Variants in CRYBG2 observed in about 807,000 individuals in gnomAD.
The protein encoded by CRYBG2 is crystallin beta-gamma domain containing 2.
CRYBG2 carries 106 observed loss-of-function variants against 153.4 expected under a neutral mutation model. The observed-to-expected ratio is 0.69, with a 90% CI of 0.59 to 0.81. CRYBG2 has a LOEUF of 0.81. CRYBG2 is among the 30% of genes least tolerant of loss of function. The pLI is 0.00. For synonymous variants in CRYBG2, 851 were observed against 877.8 expected (o/e 0.97, Z 0.54); for missense variants, 1,996 against 2,112.0 (o/e 0.95, Z 1.08).
intron 1 of CRYBG2, among the ~76,000 whole-genome samples, chr1:26,349,354 A>G (rs190238106): frequency 3.9e-5 from 6 of 152,138 alleles, no homozygotes; most frequent in Admixed American, 3.9e-4. Context: ...TGAGGTTGTC[A>G]AGCAGGGATT....
rs577945638 is a variant in CRYBG2 at position 26,338,181 on chromosome 1, C to T, written c.3472-134G>A. 186 of 1,413,394 alleles carry T rather than the reference C, an allele frequency of 1.3e-4. No individual in the cohort carries two copies. In the African/African-American group the frequency reaches 2.5e-3, roughly 19 times the overall value. 87.6% of individuals were successfully genotyped at this position (1,413,394 alleles called of 1,614,324 possible). On this transcript the variant is annotated intron_variant, in intron 7 of 19. Transcript: ENST00000308182. The stretch of plus-strand genomic sequence containing the variant: ...TTTCCCCTACCTCTTAGGTTAATCC[C>T]TACCTCTCCTCCCACTCCCATTCCC...
chr1:26,330,032 G>A (rs1163427321), intron 15 of CRYBG2, among the ~76,000 whole-genome samples: 1 of 152,172 alleles, frequency 6.6e-6, no homozygotes, highest in Non-Finnish European at 1.5e-5. Context: ...AACACGCCCG[G>A]CCCAAAGTGC....
At position 26,336,639 on chromosome 1, in the gene CRYBG2, GT is replaced by G. The variant is rs775761770; in HGVS notation, c.4004del (p.Asn1335ThrfsTer176). 1.9e-6 allele frequency: 3 copies of G among 1,550,688 alleles called. No homozygotes were observed. In the African/African-American group the frequency reaches 4.1e-5, roughly 21 times the overall value. ...YRNCEDWGAG[N>X]STLASLQPVL... ...CCGGCTGCAGCGAGGCGAGGGTGCT[GT>G]TGCCAGCGCCCCAGTCCTCGCAGTT... is the stretch of plus-strand genomic sequence containing the variant. On this transcript the variant is annotated frameshift_variant, in exon 12 of 20. Coordinates refer to ENST00000308182, the MANE Select transcript of CRYBG2 (RefSeq NM_001039775.4). LOFTEE classifies it high-confidence loss of function. This position sits in a 1 kb window ranked among gnomAD's most constrained non-coding sequence, Gnocchi z 4.9.
In CRYBG2 at chr1:26,336,404, G is replaced by T. The variant is rs374809761; in HGVS notation, c.4039-34C>A. 2.3e-5 allele frequency: 37 copies of T among 1,611,112 alleles called. No homozygotes were observed. The African/African-American group carries it at 4.1e-4, about 18-fold the overall frequency. ...AGGGACCGAATCGAGAATTAGGGAG[G>T]GTGCCGGCCCCTAGCCTTGTCTTCT... On this transcript the variant is annotated intron_variant, in intron 12 of 19. Coordinates refer to ENST00000308182, the MANE Select transcript of CRYBG2 (RefSeq NM_001039775.4). The surrounding 1 kb of genome is among the most constrained non-coding windows in gnomAD (Gnocchi z 4.9).
intron 15 of CRYBG2, among the ~76,000 whole-genome samples, chr1:26,330,632 G>A (rs1163350483): frequency 6.8e-6 from 1 of 146,846 alleles, no homozygotes; most frequent in Non-Finnish European, 1.5e-5. Flanking sequence ...TCTGCCTCCT[G>A]GGTTCAAGCA....
At chr1:26,340,137 C>T (rs151205455) in intron 5 of CRYBG2, among the ~76,000 whole-genome samples, 37 of 152,306 alleles carry the variant, frequency 2.4e-4, no homozygotes, top group East Asian at 1.4e-3. Context: ...TTTGCCTGCA[C>T]GTCATCCCAG....
intron 15 of CRYBG2, among the ~76,000 whole-genome samples, chr1:26,329,764 G>C (rs1243116489): frequency 6.6e-6 from 1 of 151,720 alleles, no homozygotes; most frequent in Non-Finnish European, 1.5e-5. Context: ...TTATTTTTTT[G>C]AGATGGAGTC....
rs1288286007 is a variant in CRYBG2, at chr1:26,345,665, C to A, written c.993G>T (p.Val331=). The A allele has an allele frequency of 1.3e-6, 2 of 1,598,566 alleles. No homozygotes were observed. The highest frequency in any genetic ancestry group is 2.7e-5 in the African/African-American group (2 of 74,898). ...GCTCAGTGGAACTGGGGGCTCCCAG[C>A]ACCTGCCAGAGCTCACAGGCCCTGG... ...PDARACELWQ[V]LGAPSSTELP... Residue 331 remains valine, a synonymous_variant, in exon 2 of 20, where the codon GTG becomes GTT. Coordinates refer to ENST00000308182, the MANE Select transcript of CRYBG2 (RefSeq NM_001039775.4).
At chr1:26,330,552 T>TTC (rs2073986832) in intron 15 of CRYBG2, among the ~76,000 whole-genome samples, 1 of 150,544 alleles carries the variant, frequency 6.6e-6, no homozygotes, top group Non-Finnish European at 1.5e-5. Flanking sequence ...TTTTTTTTTT[T>TTC]TTTTGAGATG....
At position 26,338,019 on chromosome 1, in the gene CRYBG2, T is replaced by TC; in HGVS notation, c.3499dup (p.Glu1167GlyfsTer8). The TC allele has an allele frequency of 6.2e-7, 1 of 1,612,418 alleles. No homozygotes were observed. The highest frequency in any genetic ancestry group is 8.5e-7 in the Non-Finnish European group (1 of 1,179,452). Reference sequence around the variant, plus strand: ...TTAAGCCCAGACTCTTACCCTGGGCTCCCCTGGCTTCTCCACACTTGGGCA... The same window carrying TC: ...TTAAGCCCAGACTCTTACCCTGGGCTCCCCCTGGCTTCTCCACACTTGGGCA... On this transcript the variant is annotated frameshift_variant, in exon 8 of 20. Transcript: ENST00000308182. LOFTEE classifies it high-confidence loss of function.
At chr1:26,323,270 G>A (rs1486605037) in intron 18 of CRYBG2, among the ~76,000 whole-genome samples, 3 of 151,632 alleles carry the variant, frequency 2.0e-5, no homozygotes, top group Admixed American at 6.6e-5. Flanking sequence ...TTGTGGAGAT[G>A]GCATCTCATT....
At position 26,337,789 on chromosome 1, in the gene CRYBG2, G is replaced by C; in HGVS notation, c.3508-115C>G. On this transcript the variant is annotated intron_variant, in intron 8 of 19. Coordinates refer to ENST00000308182, the MANE Select transcript of CRYBG2 (RefSeq NM_001039775.4). ...CACCCCCCAGCCCTCCCACCTCCTT[G>C]CTGAACTCCATCCCCTTACCCAATT... is the stretch of plus-strand genomic sequence containing the variant. 3.5e-6 allele frequency: 5 copies of C among 1,423,934 alleles called. No homozygotes were observed. In the South Asian group the frequency reaches 5.3e-5, roughly 15 times the overall value. 88.2% of individuals were successfully genotyped at this position (1,423,934 alleles called of 1,614,324 possible).
intron 1 of CRYBG2, among the ~76,000 whole-genome samples, chr1:26,353,429 A>G (rs1570224151): frequency 6.6e-6 from 1 of 152,188 alleles, no homozygotes; most frequent in East Asian, 1.9e-4. Context: ...CAGATTTAGG[A>G]GAGTCATTTC....
rs1427493957 is a variant in CRYBG2 at position 26,324,329 on chromosome 1, T to C, written c.4579-19A>G. 1.1e-5 allele frequency: 17 copies of C among 1,593,492 alleles called. No homozygotes were observed. The highest frequency in any genetic ancestry group is 2.7e-5 in the African/African-American group (2 of 74,686). On this transcript the variant is annotated intron_variant, in intron 17 of 19. Transcript: ENST00000308182. Reference sequence around the variant, plus strand: ...CCCGGCGCTGGTGGCAGAAAGAGGCTGAGAGTCAGGGGTGCCGGGGAGGGA... The same window carrying C: ...CCCGGCGCTGGTGGCAGAAAGAGGCCGAGAGTCAGGGGTGCCGGGGAGGGA...
At chr1:26,331,457 G>C in intron 15 of CRYBG2, 32 bp downstream of exon 15, 1 of 1,596,656 alleles carries the variant, frequency 6.3e-7, no homozygotes, top group Non-Finnish European at 8.6e-7. Context: ...TTCTGCTTCC[G>C]GGATTGCCTG....
chr1:26,328,511 GT>G, intron 16 of CRYBG2, 179 bp from the exon 17 acceptor site: 1 of 1,168,980 alleles, frequency 8.6e-7, no homozygotes, highest in Non-Finnish European at 1.2e-6. Flanking sequence ...TAGATTTGGG[GT>G]TTTCAGGGTA....
At chr1:26,352,733 C>G (rs1249258130) in intron 1 of CRYBG2, among the ~76,000 whole-genome samples, 1 of 144,300 alleles carries the variant, frequency 6.9e-6, no homozygotes, top group East Asian at 2.2e-4. Context: ...GAAACCACCT[C>G]CCCCCAGCTA....
chr1:26,343,881 A>G lies in CRYBG2; in HGVS notation c.2777T>C (p.Leu926Pro). The change falls in exon 2 of 20, where the codon CTG becomes CCG. Residue 926 changes from leucine to proline, a missense_variant. By Grantham distance (98) the Leu-to-Pro change is moderately conservative. Coordinates refer to ENST00000308182, the MANE Select transcript of CRYBG2 (RefSeq NM_001039775.4). The surrounding 1 kb of genome is among the most constrained non-coding windows in gnomAD (Gnocchi z 4.1). ...TAKEASTPEPLGTKLSALLPH... is the reference protein window; with the variant it reads ...TAKEASTPEPPGTKLSALLPH... ...CAGCAGAGCAGATAGTTTTGTGCCC[A>G]GCGGTTCCGGGGTGGAGGCCTCCTT... is the stretch of plus-strand genomic sequence containing the variant. 2.0e-6 allele frequency: 3 copies of G among 1,516,952 alleles called. No homozygotes were observed. Among genetic ancestry groups the G allele is most frequent in the Non-Finnish European group, 2.7e-6 (3 of 1,129,404 alleles). The allele number at this position is 1,516,952 out of a possible 1,614,324, so 94.0% of individuals were successfully genotyped here.
chr1:26,327,128 G>A, intron 17 of CRYBG2: 1 of 293,998 alleles, frequency 3.4e-6, no homozygotes, highest in South Asian at 3.1e-5. Flanking sequence ...GAGGTCAGGA[G>A]TTCAAGACCA....
Sources: gnomAD v4.1 joint callset for allele counts (sites outside exome capture counted in the v4.1 genomes callset) on GRCh38, gnomAD v4.1.1 for gene constraint, Gnocchi (gnomAD v3.1) non-coding constraint, MANE v1.5 for transcripts, NCBI Gene and HGNC (gene_info 2026-07-23, HGNC 2026-07-21) for gene names.